Variants in ZNF215 observed in about 807,000 individuals in gnomAD.
The protein encoded by ZNF215 is zinc finger protein 215.
A neutral mutation model predicts 27.2 loss-of-function variants in ZNF215; 24 were observed. The observed-to-expected ratio is 0.88, with a 90% CI of 0.64 to 1.24. The LOEUF (loss-of-function observed/expected upper bound fraction) is 1.24. ZNF215 is among the 50% of genes most tolerant of loss of function. The probability of loss-of-function intolerance (pLI) is 0.00; values close to 1 mark genes in which losing one functional copy is unlikely to be tolerated. For synonymous variants in ZNF215, 210 were observed against 204.0 expected, an observed-to-expected ratio of 1.03 and a Z score of -0.25; for missense variants, 675 against 605.7, an observed-to-expected ratio of 1.11 and a Z score of -1.20.
intron 5 of ZNF215, among the ~76,000 whole-genome samples, chr11:6,972,792 A>C (rs973174251): frequency 6.6e-6 from 1 of 152,234 alleles, no homozygotes; most frequent in Non-Finnish European, 1.5e-5. Flanking sequence ...ACAGTATTAC[A>C]ATAGTGTGAA....
At chr11:6,975,309 A>T (rs2133343072) in intron 5 of ZNF215, among the ~76,000 whole-genome samples, 1 of 152,096 alleles carries the variant, frequency 6.6e-6, no homozygotes, top group East Asian at 1.9e-4. Flanking sequence ...AGATATTTTG[A>T]TAGAGGCATG....
intron 5 of ZNF215, among the ~76,000 whole-genome samples, chr11:6,965,358 TAAAAG>T (rs757609904): frequency 3.3e-4 from 50 of 152,130 alleles, no homozygotes; most frequent in Non-Finnish European, 6.9e-4. Context: ...AACACGTGTA[TAAAAG>T]ATGTTTCCAA....
downstream of ZNF215, among the ~76,000 whole-genome samples, chr11:6,986,852 CAAAA>C (rs1851062169): frequency 6.6e-6 from 1 of 151,732 alleles, no homozygotes; most frequent in African/African-American, 2.4e-5. Context: ...AAAACAAAAA[CAAAA>C]ACAAAAACAG....
In ZNF215 at chr11:6,974,912, G is replaced by A. The variant is rs528376201; in HGVS notation, c.806-9217G>A. ...TTTCTCCTGCCTGATTGCCCTGGCC[G>A]GAACTTCCAACACTATGTTGAATAG... On this transcript the variant is annotated intron_variant, in intron 5 of 5. Coordinates refer to the ZNF215 transcript ENST00000529903. Among the ~76,000 whole-genome samples, 1,262 of 151,774 alleles carry A rather than the reference G, an allele frequency of 8.3e-3. 14 individuals carry two copies. Among genetic ancestry groups the A allele is most frequent in the African/African-American group, 0.028 (1,152 of 41,376 alleles).
rs1164528652 is a variant in ZNF215 at position 6,943,636 on chromosome 11, T to C, written c.707T>C (p.Ile236Thr). 1 of 1,612,016 alleles carries C rather than the reference T, an allele frequency of 6.2e-7. No individual in the cohort carries two copies. The highest frequency in any genetic ancestry group is 8.5e-7 in the Non-Finnish European group (1 of 1,178,214). Residue 236 changes from isoleucine to threonine, a missense_variant, in exon 6 of 7, where the codon ATT becomes ACT. Physicochemically the swap from Ile to Thr is moderately conservative, Grantham distance 89. Coordinates refer to ENST00000278319, the MANE Select transcript of ZNF215 (RefSeq NM_013250.4). ...IMEKEIPRKT[I>T]FDMKSISGEE... is the part of the protein sequence containing the mutation. ...GAGAAAGAAATACCAAGGAAGACTATTTTTGGTAAGAACCAGGTAGATATG... is the reference window on the plus strand; with the variant it reads ...GAGAAAGAAATACCAAGGAAGACTACTTTTGGTAAGAACCAGGTAGATATG...
intron 5 of ZNF215, among the ~76,000 whole-genome samples, chr11:6,964,798 T>C (rs920849151): frequency 6.6e-6 from 1 of 151,966 alleles, no homozygotes; most frequent in Admixed American, 6.6e-5. Context: ...TTTATTAGGG[T>C]TGCATTAAAT....
intron 3 of ZNF215, among the ~76,000 whole-genome samples, chr11:6,938,106 C>T (rs993978339): frequency 6.6e-6 from 1 of 151,722 alleles, no homozygotes; most frequent in Admixed American, 6.6e-5. Context: ...TGATAAGGGT[C>T]CAATATCAGG....
intron 6 of ZNF215, among the ~76,000 whole-genome samples, chr11:6,948,214 A>G (rs1849894681): frequency 6.6e-6 from 1 of 152,162 alleles, no homozygotes; most frequent in African/African-American, 2.4e-5. Context: ...TCTCCCTTGC[A>G]AAATATATTT....
At chr11:6,964,990 A>T (rs1457478308) in intron 5 of ZNF215, among the ~76,000 whole-genome samples, 1 of 152,130 alleles carries the variant, frequency 6.6e-6, no homozygotes, top group African/African-American at 2.4e-5. Context: ...ACATTCATTT[A>T]CTGAAATAAT....
At chr11:6,991,746 C>T (rs532978708), downstream of ZNF215, among the ~76,000 whole-genome samples, 216 of 152,234 alleles carry the variant, frequency 1.4e-3, 2 homozygotes, top group Middle Eastern at 6.8e-3. Flanking sequence ...CTACTTTGCC[C>T]GACTTTCTGT....
chr11:6,935,783 C>G (rs368857819), intron 3 of ZNF215, among the ~76,000 whole-genome samples: 9 of 152,062 alleles, frequency 5.9e-5, no homozygotes, highest in African/African-American at 2.2e-4. Context: ...GGAATAGTCT[C>G]CAGGATAGAC....
At chr11:6,975,722 T>C (rs1266177976) in intron 5 of ZNF215, among the ~76,000 whole-genome samples, 2 of 152,110 alleles carry the variant, frequency 1.3e-5, no homozygotes, top group African/African-American at 4.8e-5. Flanking sequence ...TGTATATATG[T>C]ACCACATTTT....
chr11:6,926,841 G>A (rs1047631880), intron 1 of ZNF215, 156 bp downstream of exon 1: 1 of 152,172 alleles, frequency 6.6e-6, no homozygotes, highest in Non-Finnish European at 1.5e-5. Flanking sequence ...CAGTTACCCA[G>A]TTTCCACGCT....
chr11:6,953,659 C>A (rs2638098), intron 6 of ZNF215, among the ~76,000 whole-genome samples: 150,248 of 152,290 alleles, frequency 0.99, 74,141 homozygotes, highest in Middle Eastern at 1. Flanking sequence ...AAAGTTTTCA[C>A]CTTCTTTGCC....
In ZNF215 at chr11:6,950,339, C is replaced by T. The variant is rs1478095622; in HGVS notation, c.713-5351C>T. Among the ~76,000 whole-genome samples the T allele has an allele frequency of 2.4e-3, 362 of 149,826 alleles. 4 individuals are homozygous for T. The highest frequency in any genetic ancestry group is 8.3e-3 in the African/African-American group (339 of 41,062). ...ACCTTGGGCAGTATGGCCATTTTCA[C>T]GATATTGATTCTTCCTACCCATGAG... On this transcript the variant is annotated intron_variant, in intron 6 of 6. Transcript: ENST00000278319.
intron 5 of ZNF215, among the ~76,000 whole-genome samples, chr11:6,982,634 G>A (rs1850979952): frequency 6.6e-6 from 1 of 152,082 alleles, no homozygotes; most frequent in African/African-American, 2.4e-5. Flanking sequence ...CATGGAAACT[G>A]AACAACTTGC....
rs191324635 is a variant in ZNF215, at chr11:6,940,452, A to G, written c.401-1119A>G. 2.2e-3 allele frequency among the ~76,000 whole-genome samples: 334 copies of G among 152,212 alleles called. 1 individual carries two copies. The highest frequency in any genetic ancestry group is 7.8e-3 in the African/African-American group (324 of 41,540). On this transcript the variant is annotated intron_variant, in intron 3 of 6. Coordinates refer to ENST00000278319, the MANE Select transcript of ZNF215 (RefSeq NM_013250.4). ...CCCAAGTAGATGAGACCACAGGCAC[A>G]CACCACCACACCTGGCTAATTTATT...
intron 5 of ZNF215, among the ~76,000 whole-genome samples, chr11:6,980,217 A>G (rs1850919337): frequency 6.6e-6 from 1 of 152,168 alleles, no homozygotes; most frequent in African/African-American, 2.4e-5. Flanking sequence ...TAATACTAAA[A>G]CTCCAATAAA....
At chr11:6,969,625 A>G (rs1326845047) in intron 5 of ZNF215, among the ~76,000 whole-genome samples, 1 of 152,196 alleles carries the variant, frequency 6.6e-6, no homozygotes, top group African/African-American at 2.4e-5. Context: ...ACCCAACTAT[A>G]TATTGGTAGC....
Sources: allele counts gnomAD v4.1 joint callset (sites outside exome capture counted in the v4.1 genomes callset), GRCh38; gene constraint gnomAD v4.1.1; transcripts MANE v1.5; gene names NCBI Gene and HGNC (gene_info 2026-07-23, HGNC 2026-07-21).